Variants in ANKRD26 observed in about 807,000 individuals in gnomAD.
The protein encoded by ANKRD26 is ankyrin repeat domain-containing protein 26.
In ANKRD26, 141 loss-of-function variants were observed where a neutral mutation model predicts 208.7. The ratio of observed to expected loss-of-function variants is 0.68; its 90% CI spans 0.59 to 0.78. The LOEUF (loss-of-function observed/expected upper bound fraction) is 0.78, where lower values mean the gene tolerates loss of function less well. ANKRD26 is among the 30% of genes least tolerant of loss of function. The probability of loss-of-function intolerance (pLI) is 0.00; values close to 1 mark genes in which losing one functional copy is unlikely to be tolerated. For synonymous variants in ANKRD26, 636 were observed against 660.4 expected (o/e 0.96, Z 0.57); for missense variants, 1,889 against 1,938.7 (o/e 0.97, Z 0.48).
downstream of ANKRD26, among the ~76,000 whole-genome samples, chr10:27,003,184 TGTCAGAAAAG>T (rs1020796924): frequency 1.3e-5 from 2 of 152,158 alleles, no homozygotes; most frequent in Admixed American, 1.3e-4. Flanking sequence ...GCCAGGTTGC[TGTCAGAAAAG>T]GAAGTTAAAA....
intron 30 of ANKRD26, among the ~76,000 whole-genome samples, chr10:27,015,802 G>T (rs945755442): frequency 6.6e-6 from 1 of 152,014 alleles, no homozygotes; most frequent in Non-Finnish European, 1.5e-5. Flanking sequence ...ATAAGCACAG[G>T]GGTCCCACGC....
intron 6 of ANKRD26, among the ~76,000 whole-genome samples, chr10:27,079,762 A>T (rs2055834507): frequency 1.3e-5 from 2 of 152,188 alleles, no homozygotes. Context: ...CTGGGGCAAG[A>T]GAATTGCTTG....
Position 27,035,728 on chromosome 10 carries a change from T to C in ANKRD26, c.2722A>G (p.Lys908Glu). 1 of 1,608,292 alleles carries C rather than the reference T, an allele frequency of 6.2e-7. No homozygotes were observed. Among genetic ancestry groups the C allele is most frequent in the Non-Finnish European group, 8.5e-7 (1 of 1,176,984 alleles). ...ATGCTATTTTTATGCGATAGGTCTT[T>C]TTCTTCTTCATGACTATGAGAATTC... ...SENSHSHEEE[K>E]DLSHKNSMLQ... The change falls in exon 24 of 34, where the codon AAA becomes GAA. Residue 908 changes from lysine to glutamate, a missense_variant. Lys to Glu is a moderately conservative substitution (Grantham distance 56, BLOSUM62 1). Transcript: ENST00000376087.
intron 15 of ANKRD26, among the ~76,000 whole-genome samples, chr10:27,055,199 G>A (rs1419105534): frequency 6.6e-6 from 1 of 152,162 alleles, no homozygotes; most frequent in African/African-American, 2.4e-5. Flanking sequence ...TAAATGAGAA[G>A]TGAAACAATC....
At chr10:27,097,360 C>T (rs1156310671) in intron 1 of ANKRD26, among the ~76,000 whole-genome samples, 1 of 151,118 alleles carries the variant, frequency 6.6e-6, no homozygotes, top group Non-Finnish European at 1.5e-5. Context: ...ACTCAGGAGA[C>T]TGAGGCAGGA....
At chr10:27,038,954 C>T (rs2054137020) in intron 21 of ANKRD26, among the ~76,000 whole-genome samples, 1 of 152,024 alleles carries the variant, frequency 6.6e-6, no homozygotes. Flanking sequence ...TTCGACATAC[C>T]TTCTTGATTA....
intron 19 of ANKRD26, among the ~76,000 whole-genome samples, chr10:27,043,779 T>A (rs1008095502): frequency 6.6e-6 from 1 of 152,162 alleles, no homozygotes; most frequent in Admixed American, 6.5e-5. Context: ...CTCTTTTTTT[T>A]AATTTCATGT....
the ANKRD26 span, among the ~76,000 whole-genome samples, chr10:26,963,671 A>G: frequency 1.3e-5 from 2 of 152,138 alleles, no homozygotes; most frequent in Non-Finnish European, 2.9e-5. Flanking sequence ...GGTCCCTGAT[A>G]TAACAGGGTA....
chr10:26,976,777 T>C (rs2052233889), intron 5 of ANKRD26, among the ~76,000 whole-genome samples: 2 of 152,206 alleles, frequency 1.3e-5, no homozygotes, highest in African/African-American at 4.8e-5. Context: ...ATGGGCTTCA[T>C]GTGCATGTTC....
chr10:27,028,371 C>A lies in ANKRD26; in HGVS notation c.3972+481G>T, dbSNP rs540136883. 5.9e-5 allele frequency among the ~76,000 whole-genome samples: 9 copies of A among 151,688 alleles called. No homozygotes were observed. The South Asian group carries it at 6.2e-4, about 11-fold the overall frequency. On this transcript the variant is annotated intron_variant, in intron 27 of 33. Transcript: ENST00000376087. ...CAGCACTTTGGGAGGCCGAGGCGGG[C>A]GGATCATGAGGTCAGGAGATCGAGA...
intron 3 of ANKRD26, among the ~76,000 whole-genome samples, chr10:26,983,780 G>A (rs770535635): frequency 1.3e-5 from 2 of 152,156 alleles, no homozygotes; most frequent in Non-Finnish European, 2.9e-5. Context: ...CTTTTCCCAT[G>A]TGCCTTTCTC....
At position 27,033,320 on chromosome 10, in the gene ANKRD26, A is replaced by T. The variant is rs771916086; in HGVS notation, c.3712T>A (p.Ser1238Thr). ...GACGTAACCTCCAGTGAAGCCTCTG[A>T]CATAGATTGTTTTTTTAGGGTATCA... ...LADTLKKQSM[S>T]EASLEVTSRY... is the part of the protein sequence containing the mutation. The change falls in exon 25 of 34, where the codon TCA (serine) becomes ACA (threonine). Residue 1238 changes from serine (S) to threonine (T), a missense_variant. Around this residue, in one of 3 missense-constraint regions of ANKRD26, gnomAD observed 613 missense variants for 648.2 expected, o/e 0.95. Coordinates refer to ENST00000376087, the MANE Select transcript of ANKRD26 (RefSeq NM_014915.3). 2.1e-5 allele frequency: 34 copies of T among 1,612,596 alleles called. No homozygotes were observed. The highest frequency in any genetic ancestry group is 2.8e-5 in the Non-Finnish European group (33 of 1,178,968).
At chr10:26,965,800 C>G in the ANKRD26 span, among the ~76,000 whole-genome samples, 2 of 152,056 alleles carry the variant, frequency 1.3e-5, no homozygotes, top group Admixed American at 1.3e-4. Context: ...AGACAAACAA[C>G]CTCATCAAAA....
chr10:27,064,501 A>T (rs1009035070), intron 11 of ANKRD26, among the ~76,000 whole-genome samples: 1 of 152,198 alleles, frequency 6.6e-6, no homozygotes, highest in African/African-American at 2.4e-5. Flanking sequence ...AGTGTATTTT[A>T]AAAAATAGAA....
chr10:26,994,491 C>A lies in ANKRD26; in HGVS notation c.*29+550G>T, dbSNP rs117909404. ...TATTTCAGTTTGCAGAGACAGGTAT[C>A]CCCCTTTCTGTTTCCAAGTAGATTT... On this transcript the variant is annotated intron_variant, in intron 5 of 5. Transcript: ENST00000445828. 1.8e-4 allele frequency among the ~76,000 whole-genome samples: 27 copies of A among 152,212 alleles called. 1 individual carries two copies. In the East Asian group the frequency reaches 5.2e-3, roughly 29 times the overall value.
At chr10:26,979,018 C>G (rs367736429) in intron 5 of ANKRD26, among the ~76,000 whole-genome samples, 4 of 152,020 alleles carry the variant, frequency 2.6e-5, no homozygotes, top group Non-Finnish European at 5.9e-5. Flanking sequence ...GTCAGTAGAT[C>G]GAGACCATCT....
At position 27,048,811 on chromosome 10, in the gene ANKRD26, C is replaced by A. The variant is rs1564389510; in HGVS notation, c.1804G>T (p.Glu602Ter). The change falls in exon 17 of 34, where the codon GAG becomes TAG. Residue 602 changes from glutamate to a stop codon, truncating the protein, a stop_gained. Coordinates refer to ENST00000376087, the MANE Select transcript of ANKRD26 (RefSeq NM_014915.3). LOFTEE classifies it high-confidence loss of function. ...ATGCTATCAGCTTACCTAGCATACT[C>A]TTTATTTTCCTTCCTGGGAAATTGC... ...HQQFPRKENK[E>*]YASSGPALQM... 1.2e-6 allele frequency: 2 copies of A among 1,613,010 alleles called. No homozygotes were observed. The highest frequency in any genetic ancestry group is 2.2e-5 in the South Asian group (2 of 91,026).
At chr10:26,994,400 A>G (rs2052545629) in intron 5 of ANKRD26, among the ~76,000 whole-genome samples, 1 of 152,200 alleles carries the variant, frequency 6.6e-6, no homozygotes, top group African/African-American at 2.4e-5. Flanking sequence ...TCTGATGATG[A>G]ACATATTCCA....
intron 6 of ANKRD26, among the ~76,000 whole-genome samples, chr10:27,079,718 T>C (rs2055833147): frequency 6.6e-6 from 1 of 152,080 alleles, no homozygotes; most frequent in Non-Finnish European, 1.5e-5. Context: ...CCAGGCGTGG[T>C]GGCATGTGCC....
Sources: allele counts gnomAD v4.1 joint callset (sites outside exome capture counted in the v4.1 genomes callset), GRCh38; gene constraint gnomAD v4.1.1; regional missense constraint gnomAD v4.1.1; transcripts MANE v1.5; gene names NCBI Gene and HGNC (gene_info 2026-07-23, HGNC 2026-07-21).